Variants in TRIM16 observed in about 807,000 individuals in gnomAD.
TRIM16 encodes tripartite motif containing 16, also known as tripartite motif-containing protein 16.
TRIM16 carries 33 observed loss-of-function variants against 50.4 expected under a neutral mutation model. The ratio of observed to expected loss-of-function variants is 0.65; its 90% CI spans 0.50 to 0.88. The LOEUF (loss-of-function observed/expected upper bound fraction) is 0.88. Ranked by LOEUF, TRIM16 falls within the 40% of genes least tolerant of loss-of-function variation. TRIM16 has a pLI of 0.00. For missense variants in TRIM16, 581 were observed against 686.8 expected (o/e 0.85, Z 1.72); for synonymous variants, 229 against 270.7 (o/e 0.85, Z 1.51).
At chr17:15,648,659 AG>A (rs1284887902) in intron 7 of TRIM16, among the ~76,000 whole-genome samples, 2 of 152,146 alleles carry the variant, frequency 1.3e-5, no homozygotes, top group African/African-American at 4.8e-5. Context: ...GGGCTTCCGG[AG>A]CCTTAGTTAT....
At chr17:15,645,718 A>AG (rs1435519831) in intron 7 of TRIM16, among the ~76,000 whole-genome samples, 3 of 152,154 alleles carry the variant, frequency 2.0e-5, no homozygotes, top group Non-Finnish European at 4.4e-5. Flanking sequence ...CCCCCTGGGG[A>AG]GGGAAGCAGC....
intron 6 of TRIM16, among the ~76,000 whole-genome samples, chr17:15,673,257 T>G (rs1299981845): frequency 6.6e-6 from 1 of 152,214 alleles, no homozygotes; most frequent in East Asian, 1.9e-4. Context: ...TTACGAAGGA[T>G]TTTGGGCATT....
At chr17:15,650,135 C>T (rs1231865176) in intron 7 of TRIM16, among the ~76,000 whole-genome samples, 3 of 152,118 alleles carry the variant, frequency 2.0e-5, no homozygotes, top group Admixed American at 2.0e-4. Flanking sequence ...AAGTAGACCC[C>T]CTTTCCTAGA....
At chr17:15,632,727 G>A (rs893873776) in intron 9 of TRIM16, 53 bp from the exon 10 acceptor site, 363 of 1,493,128 alleles carry the variant, frequency 2.4e-4, no homozygotes, top group Non-Finnish European at 2.9e-4. Context: ...TTCTAAACTC[G>A]GGCTTCTCTC....
At chr17:15,635,675 A>C (rs1986699245) in intron 9 of TRIM16, among the ~76,000 whole-genome samples, 1 of 117,820 alleles carries the variant, frequency 8.5e-6, no homozygotes. Flanking sequence ...CAGTCTCATC[A>C]CTCTGCACCC....
chr17:15,677,715 T>G lies in TRIM16; in HGVS notation c.-583A>C, dbSNP rs1313238433. Reference sequence around the variant, plus strand: ...GACATAAAGCCCTGAAACACCTGCATGGGGTTCTGAAGAAAAAGTTACATG... The same window carrying G: ...GACATAAAGCCCTGAAACACCTGCAGGGGGTTCTGAAGAAAAAGTTACATG... On this transcript the variant is annotated 5_prime_UTR_variant, in exon 5 of 12. The change abolishes an upstream ATG in the 5' untranslated region. Transcript: ENST00000649191. 1 of 994,192 alleles carries G rather than the reference T, an allele frequency of 1.0e-6. No homozygotes were observed. The highest frequency in any genetic ancestry group is 1.7e-5 in the African/African-American group (1 of 57,476). The allele number at this position is 994,192 out of a possible 1,614,324, so 61.6% of individuals were successfully genotyped here. A position where few individuals can be genotyped will look rare whatever the true frequency, so the allele number is the denominator to read the frequency against.
chr17:15,682,273 G>A (rs1429624886), intron 3 of TRIM16, among the ~76,000 whole-genome samples: 1 of 152,150 alleles, frequency 6.6e-6, no homozygotes, highest in South Asian at 2.1e-4. Context: ...TGATCAATAT[G>A]TTTGGTCATA....
At chr17:15,675,381 T>C (rs918178692) in intron 6 of TRIM16, 1 of 163,870 alleles carries the variant, frequency 6.1e-6, no homozygotes, top group African/African-American at 2.4e-5. Context: ...TTCAGGGAGA[T>C]TCTCCACTGT....
At chr17:15,677,050 G>C in intron 6 of TRIM16, 126 bp downstream of exon 6, 2 of 380,788 alleles carry the variant, frequency 5.3e-6, no homozygotes, top group Non-Finnish European at 7.2e-6. Flanking sequence ...AAGCTATTAG[G>C]ATTCTGATGT....
intron 4 of TRIM16, among the ~76,000 whole-genome samples, chr17:15,678,979 G>C (rs751561344): frequency 6.0e-5 from 9 of 150,952 alleles, no homozygotes; most frequent in African/African-American, 2.2e-4. Flanking sequence ...ATGTTTAAGC[G>C]ATTCTCCTGC....
intron 8 of TRIM16, among the ~76,000 whole-genome samples, chr17:15,642,124 G>A (rs8066383): frequency 0.22 from 32,928 of 148,392 alleles, 5,747 homozygotes; most frequent in East Asian, 0.36. Context: ...GATTACAGGT[G>A]TGAGCCACTG....
chr17:15,628,847 T>C lies in TRIM16; in HGVS notation c.1463A>G (p.Lys488Arg). 6.2e-7 allele frequency: 1 copy of C among 1,614,156 alleles called. No individual in the cohort carries two copies. The highest frequency in any genetic ancestry group is 1.1e-5 in the South Asian group (1 of 91,068). ...CCCGAGCCTCCGGAAAGGGCCAGCT[T>C]TGAGTGGGGTCTCCATGTCACTGTA... ...AWYSDMETPL[K>R]AGPFRRLGVY... Residue 488 changes from lysine to arginine, a missense_variant, in exon 12 of 12, where the codon AAA becomes AGA. This residue lies in a region of TRIM16 where 115 missense variants were observed against 106.7 expected (regional missense o/e 1.08). Transcript: ENST00000649191.
chr17:15,683,052 G>A lies in TRIM16; in HGVS notation c.-793C>T, dbSNP rs1989246405. The stretch of plus-strand genomic sequence containing the variant: ...ATTTCTTACCTCTGTTCTGGAGTTT[G>A]CAGGTCCAATCCTCCATAATCATAG... On this transcript the variant is annotated 5_prime_UTR_variant, in exon 2 of 12. Transcript: ENST00000649191. 1.9e-6 allele frequency: 3 copies of A among 1,550,588 alleles called. No individual in the cohort carries two copies. The highest frequency in any genetic ancestry group is 2.6e-6 in the Non-Finnish European group (3 of 1,147,000).
At position 15,641,399 on chromosome 17, in the gene TRIM16, G is replaced by A. The variant is rs1987109206; in HGVS notation, c.615+1322C>T. Reference sequence around the variant, plus strand: ...TTCTCACATTCCATCAATCTAGATGGCCCTAGACAAGTATTGTCATCTCTC... The same window carrying A: ...TTCTCACATTCCATCAATCTAGATGACCCTAGACAAGTATTGTCATCTCTC... On this transcript the variant is annotated intron_variant, in intron 8 of 11. Transcript: ENST00000649191. 1.3e-5 allele frequency among the ~76,000 whole-genome samples: 2 copies of A among 148,832 alleles called. 1 individual carries two copies. The highest frequency in any genetic ancestry group is 4.3e-4 in the South Asian group (2 of 4,630).
At chr17:15,679,033 G>T (rs530219531) in intron 4 of TRIM16, among the ~76,000 whole-genome samples, 1 of 152,096 alleles carries the variant, frequency 6.6e-6, no homozygotes, top group African/African-American at 2.4e-5. Context: ...GAGCCACCAC[G>T]CCCAGCTACT....
At chr17:15,643,116 C>T in intron 7 of TRIM16, 2 of 1,121,012 alleles carry the variant, frequency 1.8e-6, no homozygotes, top group Non-Finnish European at 2.2e-6. Context: ...TAGCTGTAAA[C>T]CAGAAATAAA....
At chr17:15,657,956 A>T (rs952974648) in intron 6 of TRIM16, among the ~76,000 whole-genome samples, 5 of 152,222 alleles carry the variant, frequency 3.3e-5, no homozygotes, top group African/African-American at 1.2e-4. Flanking sequence ...AAACAAATGT[A>T]ACTTCACCTA....
intron 7 of TRIM16, 21 bp downstream of exon 7, chr17:15,651,070 G>A: frequency 6.3e-7 from 1 of 1,586,372 alleles, no homozygotes; most frequent in Non-Finnish European, 8.6e-7. Context: ...CCAAATGGAT[G>A]AATGGTCCCC....
intron 7 of TRIM16, 81 bp downstream of exon 7, chr17:15,651,010 G>T: frequency 6.5e-7 from 1 of 1,532,048 alleles, no homozygotes; most frequent in Non-Finnish European, 8.8e-7. Flanking sequence ...TGGCGTCAGT[G>T]GACCTAGCAG....
Sources: allele counts gnomAD v4.1 joint callset (sites outside exome capture counted in the v4.1 genomes callset), GRCh38; gene constraint gnomAD v4.1.1; regional missense constraint gnomAD v4.1.1; transcripts MANE v1.5; gene names NCBI Gene and HGNC (gene_info 2026-07-23, HGNC 2026-07-21).